Variants in NDC1 observed in about 807,000 individuals in gnomAD.
The protein encoded by NDC1 is NDC1 transmembrane nucleoporin, also known as nucleoporin NDC1.
Under a neutral mutation model 89.8 loss-of-function variants are expected in NDC1, and 24 were observed. The ratio of observed to expected loss-of-function variants is 0.27; its 90% CI spans 0.19 to 0.38. The LOEUF is 0.38. NDC1 is among the 10% of genes least tolerant of loss of function. The probability of loss-of-function intolerance (pLI) is 1.00; values close to 1 mark genes in which losing one functional copy is unlikely to be tolerated. For missense variants in NDC1, 728 were observed against 797.6 expected, an observed-to-expected ratio of 0.91 and a Z score of 1.05; for synonymous variants, 296 against 284.8, an observed-to-expected ratio of 1.04 and a Z score of -0.39.
Position 53,798,046 on chromosome 1 carries a change from A to ATTC in NDC1, c.1223-903_1223-902insGAA, listed in dbSNP as rs1647778542. Among the ~76,000 whole-genome samples the ATTC allele has an allele frequency of 4.6e-5, 7 of 151,912 alleles. No homozygotes were observed. In the South Asian group the frequency reaches 1.5e-3, roughly 32 times the overall value. ...TCTTATGACTCTCCAATTTAGTAATAGAGTCTGTTATACAAAAACAAAAGG... is the reference window on the plus strand; with the variant it reads ...TCTTATGACTCTCCAATTTAGTAATATTCGAGTCTGTTATACAAAAACAAAAGG... On this transcript the variant is annotated intron_variant, in intron 11 of 17. Transcript: ENST00000371429.
rs750176888 is a variant in NDC1 at position 53,796,990 on chromosome 1, C to T, written c.1377G>A (p.Met459Ile). 2 of 1,614,162 alleles carry T rather than the reference C, an allele frequency of 1.2e-6. No individual in the cohort carries two copies. The highest frequency in any genetic ancestry group is 8.5e-7 in the Non-Finnish European group (1 of 1,180,032). ...TPFGSSVMNR[M>I]AGIFDVNTCY... ...AGGTGTTTACATCAAAAATTCCAGC[C>T]ATCCGATTCATTACACTAGAGCCAA... Residue 459 changes from methionine (M) to isoleucine (I), a missense_variant, in exon 12 of 18, where the codon ATG becomes ATA. Physicochemically the swap from Met to Ile is conservative, Grantham distance 10. Transcript: ENST00000371429.
Position 53,772,344 on chromosome 1 carries a change from A to T in NDC1, c.1946T>A (p.Phe649Tyr), listed in dbSNP as rs1647120997. The T allele has an allele frequency of 3.1e-6, 5 of 1,613,442 alleles. No homozygotes were observed. The East Asian group carries it at 1.1e-4, about 36-fold the overall frequency. Reference protein sequence around the residue: ...KTAIYRITTTFGEHLNAVQAS... With the variant: ...KTAIYRITTTYGEHLNAVQAS... Reference sequence around the variant, plus strand: ...GTAAACTTACTTCAGATGTTCACCAAATGTAGTAGTTATTCGATAGATGGC... The same window carrying T: ...GTAAACTTACTTCAGATGTTCACCATATGTAGTAGTTATTCGATAGATGGC... Residue 649 changes from phenylalanine to tyrosine, a missense_variant, in exon 17 of 18, where the codon TTT becomes TAT. Phe to Tyr is a conservative substitution (Grantham distance 22, BLOSUM62 3). Transcript: ENST00000371429.
intron 13 of NDC1, among the ~76,000 whole-genome samples, chr1:53,795,616 A>G (rs1397293696): frequency 2.6e-5 from 4 of 152,146 alleles, no homozygotes; most frequent in African/African-American, 9.7e-5. Flanking sequence ...CCACAACCAA[A>G]CCATAAGCTA....
At chr1:53,832,878 G>C (rs1020313064) in intron 2 of NDC1, among the ~76,000 whole-genome samples, 5 of 152,020 alleles carry the variant, frequency 3.3e-5, no homozygotes, top group Admixed American at 2.6e-4. Flanking sequence ...AGGTGTGGTG[G>C]TGCACACCTG....
In NDC1 at chr1:53,790,292, G is replaced by A. The variant is rs931112957; in HGVS notation, c.1636-1096C>T. Among the ~76,000 whole-genome samples, 5 of 151,560 alleles carry A rather than the reference G, an allele frequency of 3.3e-5. No individual in the cohort carries two copies. In the South Asian group the frequency reaches 8.3e-4, roughly 25 times the overall value. ...AGGCAGGAGAATCACTTGAACCCGG[G>A]AGGCAGAGGTTGTAATGAGCTGAGA... On this transcript the variant is annotated intron_variant, in intron 14 of 17. Transcript: ENST00000371429.
At chr1:53,835,649 A>G in intron 1 of NDC1, 29 bp from the exon 2 acceptor site, 1 of 1,587,842 alleles carries the variant, frequency 6.3e-7, no homozygotes, top group South Asian at 1.2e-5. Flanking sequence ...ACCCTCACTC[A>G]TGAAGTCAGT....
chr1:53,773,762 C>T (rs1032561322), intron 16 of NDC1, among the ~76,000 whole-genome samples: 2 of 152,028 alleles, frequency 1.3e-5, no homozygotes, highest in Non-Finnish European at 2.9e-5. Context: ...TGTTCTGAAG[C>T]CAGGTGGACA....
chr1:53,770,370 A>G (rs1332699647), intron 17 of NDC1, among the ~76,000 whole-genome samples: 2 of 152,004 alleles, frequency 1.3e-5, no homozygotes, highest in Admixed American at 6.6e-5. Context: ...GCAGTGGTGC[A>G]GTATCGGCTC....
At chr1:53,792,612 C>T (rs1462811919) in intron 14 of NDC1, among the ~76,000 whole-genome samples, 1 of 152,116 alleles carries the variant, frequency 6.6e-6, no homozygotes, top group African/African-American at 2.4e-5. Context: ...ATTTTAAAAG[C>T]TAAAAACAAA....
intron 5 of NDC1, among the ~76,000 whole-genome samples, chr1:53,822,282 C>T (rs1168594246): frequency 1.3e-5 from 2 of 151,928 alleles, no homozygotes; most frequent in African/African-American, 2.4e-5. Context: ...TGCAGTGAGC[C>T]GGGACTGTGC....
At chr1:53,779,951 T>C (rs1647191049) in intron 16 of NDC1, among the ~76,000 whole-genome samples, 1 of 152,064 alleles carries the variant, frequency 6.6e-6, no homozygotes, top group Non-Finnish European at 1.5e-5. Flanking sequence ...CATTCCTCCT[T>C]CCAACCCCTA....
chr1:53,806,540 A>G, intron 8 of NDC1, 23 bp from the exon 9 acceptor site: 1 of 1,394,956 alleles, frequency 7.2e-7, no homozygotes, highest in Non-Finnish European at 9.5e-7. Context: ...TTAAAAACCA[A>G]AAATGATTAT....
chr1:53,832,150 T>G (rs1027061843), intron 3 of NDC1, among the ~76,000 whole-genome samples: 2 of 152,092 alleles, frequency 1.3e-5, no homozygotes, highest in Admixed American at 6.6e-5. Context: ...TCCCAAACTT[T>G]TCCATCTTCC....
intron 16 of NDC1, among the ~76,000 whole-genome samples, chr1:53,785,773 A>T (rs1647288088): frequency 6.6e-6 from 1 of 152,082 alleles, no homozygotes. Context: ...ACAGAGTTTC[A>T]TCATGTTGCC....
At chr1:53,820,699 CTCTT>C (rs1157353947) in intron 5 of NDC1, among the ~76,000 whole-genome samples, 3 of 138,634 alleles carry the variant, frequency 2.2e-5, no homozygotes, top group East Asian at 4.1e-4. Flanking sequence ...GTACTTCTCT[CTCTT>C]TTTTTTTTTT....
intron 13 of NDC1, among the ~76,000 whole-genome samples, chr1:53,795,995 T>C (rs1326838716): frequency 6.6e-6 from 1 of 152,158 alleles, no homozygotes; most frequent in Non-Finnish European, 1.5e-5. Flanking sequence ...CACACTGGTA[T>C]CCACATTGTT....
intron 3 of NDC1, among the ~76,000 whole-genome samples, chr1:53,831,739 T>G (rs532986411): frequency 6.6e-6 from 1 of 152,146 alleles, no homozygotes; most frequent in East Asian, 1.9e-4. Flanking sequence ...TTATTGTATC[T>G]TTTTTTCCTT....
intron 11 of NDC1, among the ~76,000 whole-genome samples, chr1:53,797,375 T>TG (rs999560323): frequency 2.0e-5 from 3 of 152,100 alleles, no homozygotes; most frequent in African/African-American, 7.2e-5. Context: ...GTCTCTCTTT[T>TG]TCCCCCCCCA....
intron 17 of NDC1, among the ~76,000 whole-genome samples, chr1:53,770,817 G>A (rs912692369): frequency 2.0e-5 from 3 of 151,752 alleles, no homozygotes; most frequent in Admixed American, 6.6e-5. Context: ...ACCACGCCCA[G>A]TGAATTTTTG....
Sources: allele counts gnomAD v4.1 joint callset (sites outside exome capture counted in the v4.1 genomes callset), GRCh38; gene constraint gnomAD v4.1.1; transcripts MANE v1.5; gene names NCBI Gene and HGNC (gene_info 2026-07-23, HGNC 2026-07-21).